The following RXFP2 variants were observed in gnomAD, a reference collection of about 807,000 sequenced individuals.
The protein encoded by RXFP2 is relaxin family peptide receptor 2, also known as relaxin receptor 2.
A neutral mutation model predicts 88.6 loss-of-function variants in RXFP2; 68 were observed. The observed-to-expected ratio is 0.77, with a 90% CI of 0.63 to 0.94. The LOEUF is 0.94. RXFP2 is among the 40% of genes least tolerant of loss of function. The pLI is 0.00. For missense variants in RXFP2, 791 were observed against 893.9 expected (o/e 0.88, Z 1.47); for synonymous variants, 329 against 306.8 (o/e 1.07, Z -0.76).
At chr13:31,762,492 T>C (rs888034413) in intron 3 of RXFP2, among the ~76,000 whole-genome samples, 1 of 152,224 alleles carries the variant, frequency 6.6e-6, no homozygotes, top group Non-Finnish European at 1.5e-5. Context: ...AGAAGGCTGG[T>C]GCTAGCCCAT....
At chr13:31,781,645 A>G (rs1263273884) in intron 9 of RXFP2, 26 bp from the exon 10 acceptor site, 2 of 1,519,980 alleles carry the variant, frequency 1.3e-6, no homozygotes, top group Admixed American at 1.7e-5. Context: ...AAAATATTAA[A>G]AATATCTTTC....
intron 5 of RXFP2, 26 bp downstream of exon 5, chr13:31,766,053 A>G (rs762306150): frequency 1.9e-6 from 2 of 1,061,824 alleles, no homozygotes; most frequent in Non-Finnish European, 2.7e-6. Context: ...TAGCATATTT[A>G]TTTAAAAAAA....
At chr13:31,758,498 A>G (rs756677317) in intron 2 of RXFP2, 94 bp downstream of exon 2, 70 of 1,439,208 alleles carry the variant, frequency 4.9e-5, no homozygotes, top group Non-Finnish European at 6.8e-5. Flanking sequence ...AAACTAGGAA[A>G]GCTGATTTGG....
At chr13:31,794,158 T>C (rs1212222660) in intron 16 of RXFP2, among the ~76,000 whole-genome samples, 1 of 152,114 alleles carries the variant, frequency 6.6e-6, no homozygotes, top group East Asian at 1.9e-4. Context: ...CATTACTCCT[T>C]CTCTTCCTCC....
Position 31,800,139 on chromosome 13 carries a change from A to G in RXFP2, c.2006-2007A>G, listed in dbSNP as rs576720376. Among the ~76,000 whole-genome samples the G allele has an allele frequency of 2.0e-4, 31 of 152,280 alleles. No homozygotes were observed. The East Asian group carries it at 5.2e-3, about 26-fold the overall frequency. ...CTTCTTCTCGCTTGCCCAGCTTCCC[A>G]TGGCGTTGTAAGAAATGCTGCCTTC... On this transcript the variant is annotated intron_variant, in intron 17 of 17. Coordinates refer to ENST00000298386, the MANE Select transcript of RXFP2 (RefSeq NM_130806.5).
rs1488112141 is a variant in RXFP2, at chr13:31,793,018, A to G, written c.1716A>G (p.Val572=). 6.2e-7 allele frequency: 1 copy of G among 1,613,864 alleles called. No individual in the cohort carries two copies. Among genetic ancestry groups the G allele is most frequent in the Non-Finnish European group, 8.5e-7 (1 of 1,179,770 alleles). ...YFGNFYGKNG[V]CFPLYYDQTE... is the part of the protein sequence containing the mutation. ...GAAACTTTTATGGGAAAAATGGAGT[A>G]TGTTTCCCACTTTATTATGACCAAA... The change falls in exon 16 of 18, where the codon GTA becomes GTG. Residue 572 remains valine (V), a synonymous_variant. Transcript: ENST00000298386.
intron 1 of RXFP2, among the ~76,000 whole-genome samples, chr13:31,742,546 C>T (rs1871260081): frequency 1.3e-5 from 2 of 152,240 alleles, no homozygotes; most frequent in Admixed American, 1.3e-4. Context: ...GAGTTAAAAC[C>T]TTTAGAGATG....
intron 7 of RXFP2, among the ~76,000 whole-genome samples, chr13:31,776,077 T>TTTCTTTCTTTCC (rs1555284048): frequency 9.0e-6 from 1 of 111,382 alleles, no homozygotes; most frequent in Non-Finnish European, 1.9e-5. Flanking sequence ...TCTTTCTTTC[T>TTTCTTTCTTTCC]TTCCTTCCTT....
intron 5 of RXFP2, among the ~76,000 whole-genome samples, chr13:31,773,554 C>T (rs564521800): frequency 8.4e-4 from 127 of 151,898 alleles, no homozygotes; most frequent in African/African-American, 2.9e-3. Context: ...TTCATTTGTA[C>T]CCCTTCATCT....
Position 31,775,369 on chromosome 13 carries a change from C to T in RXFP2, c.621C>T (p.Asp207=). ...CCCTCAGACCTGGAATATTCAAAGA[C>T]TTACATCAGCTAACTTGGCTGTAAG... The part of the protein sequence containing the change: ...ITTLRPGIFK[D]LHQLTWLILD... The change falls in exon 7 of 18, where the codon GAC becomes GAT. Residue 207 remains aspartate, a synonymous_variant. Transcript: ENST00000298386. 6.2e-7 allele frequency: 1 copy of T among 1,612,904 alleles called. No homozygotes were observed. Among genetic ancestry groups the T allele is most frequent in the Non-Finnish European group, 8.5e-7 (1 of 1,178,934 alleles).
chr13:31,777,025 A>C (rs9549059), intron 7 of RXFP2, among the ~76,000 whole-genome samples: 33,809 of 152,078 alleles, frequency 0.22, 3,798 homozygotes, highest in Middle Eastern at 0.32. Context: ...TCAGCCAATT[A>C]GTAGGTTAAG....
At chr13:31,788,297 G>A (rs1873643800) in intron 13 of RXFP2, among the ~76,000 whole-genome samples, 1 of 152,194 alleles carries the variant, frequency 6.6e-6, no homozygotes, top group African/African-American at 2.4e-5. Flanking sequence ...GAACCATGTT[G>A]AGAAATCTTT....
At chr13:31,779,578 C>T (rs542453789) in intron 9 of RXFP2, among the ~76,000 whole-genome samples, 126 of 152,282 alleles carry the variant, frequency 8.3e-4, no homozygotes, top group African/African-American at 2.8e-3. Flanking sequence ...TAATTTACGT[C>T]GTACCTTCAC....
intron 1 of RXFP2, among the ~76,000 whole-genome samples, chr13:31,749,963 C>T (rs1238641971): frequency 1.3e-5 from 2 of 152,182 alleles, no homozygotes; most frequent in African/African-American, 2.4e-5. Context: ...AAACCTCACT[C>T]ATATGCTGTG....
At chr13:31,799,512 A>T (rs922957155) in intron 17 of RXFP2, among the ~76,000 whole-genome samples, 1 of 151,900 alleles carries the variant, frequency 6.6e-6, no homozygotes, top group African/African-American at 2.4e-5. Context: ...ACCAAGCCTG[A>T]CCCCGTCTCC....
Position 31,741,491 on chromosome 13 carries a change from C to A in RXFP2, c.94+1785C>A, listed in dbSNP as rs143037415. 3.2e-3 allele frequency among the ~76,000 whole-genome samples: 485 copies of A among 152,232 alleles called. 3 individuals are homozygous for A. The highest frequency in any genetic ancestry group is 0.011 in the African/African-American group (459 of 41,562). On this transcript the variant is annotated intron_variant, in intron 1 of 17. Transcript: ENST00000298386. The stretch of plus-strand genomic sequence containing the variant: ...ATTGTGGACAATTAAAACGGTAAGG[C>A]TTTTCATAGTAACCAAAGAAAGCTC...
Position 31,792,627 on chromosome 13 carries a change from A to T in RXFP2, c.1376-51A>T, listed in dbSNP as rs2138458642. On this transcript the variant is annotated intron_variant, in intron 15 of 17. Transcript: ENST00000298386. ...GGAAATAGACTTAATCAGAAAACTAAAACAGGGACATTGGAAACTGATGAC... is the reference window on the plus strand; with the variant it reads ...GGAAATAGACTTAATCAGAAAACTATAACAGGGACATTGGAAACTGATGAC... 1.3e-6 allele frequency: 2 copies of T among 1,569,606 alleles called. 1 individual carries two copies.
rs1233644924 is a variant in RXFP2 at position 31,802,213 on chromosome 13, T to C, written c.2073T>C (p.Tyr691=). The C allele has an allele frequency of 3.1e-6, 5 of 1,613,766 alleles. No individual in the cohort carries two copies. Among genetic ancestry groups the C allele is most frequent in the Non-Finnish European group, 4.2e-6 (5 of 1,179,796 alleles). The change falls in exon 18 of 18, where the codon TAT becomes TAC. Residue 691 remains tyrosine (Y), a synonymous_variant. Transcript: ENST00000298386. The part of the protein sequence containing the change: ...PVNSALNPIL[Y]TLTTNFFKDK... ...ACAGTGCTTTGAATCCAATCCTCTA[T>C]ACTCTCACAACCAACTTTTTTAAGG...
chr13:31,796,987 T>C (rs1270709676), intron 16 of RXFP2, among the ~76,000 whole-genome samples: 1 of 152,228 alleles, frequency 6.6e-6, no homozygotes, highest in Non-Finnish European at 1.5e-5. Flanking sequence ...AGACTATGTG[T>C]ATAAGGTGTA....
Sources: gnomAD v4.1 joint callset for allele counts (sites outside exome capture counted in the v4.1 genomes callset) on GRCh38, gnomAD v4.1.1 for gene constraint, MANE v1.5 for transcripts, NCBI Gene and HGNC (gene_info 2026-07-23, HGNC 2026-07-21) for gene names.